The following RHBDF2 variants were observed in gnomAD, a reference collection of about 807,000 sequenced individuals.
The protein encoded by RHBDF2 is rhomboid 5 homolog 2.
In RHBDF2, 38 loss-of-function variants were observed where a neutral mutation model predicts 95.2. The observed-to-expected ratio is 0.40, with a 90% CI of 0.31 to 0.52. The LOEUF (loss-of-function observed/expected upper bound fraction) is 0.52, where lower values mean the gene tolerates loss of function less well. Ranked by LOEUF, RHBDF2 falls within the 20% of genes least tolerant of loss-of-function variation. The pLI, the probability that RHBDF2 is intolerant of heterozygous loss-of-function variation, is 0.56. For synonymous variants in RHBDF2, 442 were observed against 462.0 expected, an observed-to-expected ratio of 0.96 and a Z score of 0.55; for missense variants, 863 against 1,137.7, an observed-to-expected ratio of 0.76 and a Z score of 3.47.
At chr17:76,474,884 G>A in intron 10 of RHBDF2, 80 bp from the exon 11 acceptor site, 26 of 1,567,534 alleles carry the variant, frequency 1.7e-5, no homozygotes, top group Non-Finnish European at 2.2e-5. Flanking sequence ...CTGTCCCCAG[G>A]ATAGAGCCTC....
chr17:76,490,873 T>C (rs1262384918), intron 1 of RHBDF2, among the ~76,000 whole-genome samples: 1 of 152,170 alleles, frequency 6.6e-6, no homozygotes, highest in Non-Finnish European at 1.5e-5. Flanking sequence ...AACCACTTTA[T>C]TGCCTGCTCT....
intron 2 of RHBDF2, among the ~76,000 whole-genome samples, chr17:76,484,326 G>C (rs776621133): frequency 6.6e-6 from 1 of 151,984 alleles, no homozygotes; most frequent in Non-Finnish European, 1.5e-5. Context: ...ACATCCCAAG[G>C]TTCCTGGGCA....
chr17:76,472,903 C>T (rs546961489), intron 17 of RHBDF2, 64 bp from the exon 18 acceptor site: 16 of 1,578,218 alleles, frequency 1.0e-5, no homozygotes, highest in Non-Finnish European at 1.4e-5. Context: ...TAGGCTTCGG[C>T]AGGTTGGGCC....
rs1361208796 is a variant in RHBDF2, at chr17:76,475,112, A to G, written c.1145T>C (p.Val382Ala). 1.3e-6 allele frequency: 2 copies of G among 1,598,910 alleles called. No homozygotes were observed. The change falls in exon 10 of 19, where the codon GTC becomes GCC. Residue 382 changes from valine (V) to alanine (A), a missense_variant. This residue lies in a region of RHBDF2 where 611 missense variants were observed against 725.5 expected (regional missense o/e 0.84). Coordinates refer to ENST00000675367, the MANE Select transcript of RHBDF2 (RefSeq NM_001005498.4). The part of the protein sequence containing the change: ...RPYFTYWLTF[V>A]HVIITLLVIC... ...CACCAGCAGCGTGATGATGACATGG[A>G]CGAAGGTCAGCCAGTAGGTGAAGTA...
intron 1 of RHBDF2, among the ~76,000 whole-genome samples, chr17:76,497,966 G>A (rs553046809): frequency 3.2e-4 from 49 of 152,306 alleles, no homozygotes; most frequent in African/African-American, 1.1e-3. Context: ...GCCGGGCACT[G>A]GGGCTGGAAC....
chr17:76,479,520 G>A (rs2073881264), intron 4 of RHBDF2: 3 of 752,998 alleles, frequency 4.0e-6, no homozygotes. Flanking sequence ...GCTCCTCGAA[G>A]CCCCCCAGCC....
chr17:76,471,978 C>T lies in RHBDF2; in HGVS notation c.2139G>A (p.Leu713=), dbSNP rs142127123. Reference sequence around the variant, plus strand: ...TGAGGAAGGCCTTCCAGGGCCTCTCCAGCAGCGGCCAGCTCTGGAAGAGCT... The same window carrying T: ...TGAGGAAGGCCTTCCAGGGCCTCTCTAGCAGCGGCCAGCTCTGGAAGAGCT... ...FVELFQSWPL[L]ERPWKAFLNL... The change falls in exon 19 of 19, where the codon CTG becomes CTA. Residue 713 remains leucine, a synonymous_variant. Transcript: ENST00000675367. The T allele has an allele frequency of 1.9e-6, 3 of 1,573,120 alleles. No individual in the cohort carries two copies. The highest frequency in any genetic ancestry group is 2.7e-5 in the African/African-American group (2 of 74,272).
intron 3 of RHBDF2, among the ~76,000 whole-genome samples, chr17:76,480,496 T>C (rs1282985412): frequency 6.6e-6 from 1 of 151,924 alleles, no homozygotes; most frequent in Non-Finnish European, 1.5e-5. Context: ...GCAAGCCTTC[T>C]ACCTCAGTGT....
chr17:76,480,535 C>G (rs2073934106), intron 3 of RHBDF2, among the ~76,000 whole-genome samples: 1 of 152,062 alleles, frequency 6.6e-6, no homozygotes, highest in Non-Finnish European at 1.5e-5. Flanking sequence ...CAGGCATGTG[C>G]CACCACACCC....
chr17:76,481,528 G>A lies in RHBDF2; in HGVS notation c.-4C>T, dbSNP rs2073964980. On this transcript the variant is annotated 5_prime_UTR_variant, in exon 3 of 19. Transcript: ENST00000675367. ...CATTCTTGTCAGCAGAGGCCATTGT[G>A]GGCAGGAGGCGGGAGGGCTGGAATG... 1.2e-6 allele frequency: 2 copies of A among 1,607,488 alleles called. No individual in the cohort carries two copies. Among genetic ancestry groups the A allele is most frequent in the Non-Finnish European group, 1.7e-6 (2 of 1,179,248 alleles).
intron 1 of RHBDF2, among the ~76,000 whole-genome samples, chr17:76,493,642 TC>T (rs1249537135): frequency 6.6e-6 from 1 of 151,924 alleles, no homozygotes; most frequent in Non-Finnish European, 1.5e-5. Context: ...CACCCAGCTG[TC>T]TGTCTCCAGG....
intron 1 of RHBDF2, among the ~76,000 whole-genome samples, chr17:76,490,003 G>A (rs143145669): frequency 6.7e-4 from 102 of 152,336 alleles, no homozygotes; most frequent in African/African-American, 2.1e-3. Flanking sequence ...GCATTCCAGC[G>A]CTTTCCAAAC....
chr17:76,472,650 T>G lies in RHBDF2; in HGVS notation c.2064+36A>C, dbSNP rs750999117. 13 of 1,613,204 alleles carry G rather than the reference T, an allele frequency of 8.1e-6. No individual in the cohort carries two copies. The East Asian group carries it at 2.9e-4, about 36-fold the overall frequency. ...AATAGGAGCAGCAGGGCTGGCCCCC[T>G]ATGTGCGGAAGGGGTCCCATCCTCC... On this transcript the variant is annotated intron_variant, in intron 18 of 18. Transcript: ENST00000675367.
At chr17:76,482,859 T>C (rs2074012096) in intron 2 of RHBDF2, among the ~76,000 whole-genome samples, 1 of 150,360 alleles carries the variant, frequency 6.7e-6, no homozygotes, top group African/African-American at 2.5e-5. Flanking sequence ...AAGTGGCATA[T>C]GCTCATTGAA....
chr17:76,483,974 A>G (rs1428565533), intron 2 of RHBDF2, among the ~76,000 whole-genome samples: 1 of 151,952 alleles, frequency 6.6e-6, no homozygotes, highest in Non-Finnish European at 1.5e-5. Flanking sequence ...TAAAACCCCC[A>G]GCTGTGGCCG....
intron 1 of RHBDF2, among the ~76,000 whole-genome samples, chr17:76,496,212 C>T (rs895493660): frequency 4.6e-5 from 7 of 152,322 alleles, no homozygotes; most frequent in East Asian, 1.9e-4. Flanking sequence ...ACACACCCAA[C>T]GCCCAGTTGG....
intron 2 of RHBDF2, among the ~76,000 whole-genome samples, chr17:76,486,237 GTAGCTGGGAC>G (rs901729480): frequency 2.0e-5 from 3 of 152,150 alleles, no homozygotes; most frequent in African/African-American, 7.2e-5. Context: ...AGTCTCCCGA[GTAGCTGGGAC>G]TACAGGCGCA....
Position 76,479,411 on chromosome 17 carries a change from C to T in RHBDF2, c.273-134G>A. ...GGGGGGCGGATCTGCCTGTGAGGCC[C>T]CTGGCTGGAGCCCAGTGACCAGATG... On this transcript the variant is annotated intron_variant, in intron 4 of 18. Coordinates refer to ENST00000675367, the MANE Select transcript of RHBDF2 (RefSeq NM_001005498.4). 3 of 1,298,932 alleles carry T rather than the reference C, an allele frequency of 2.3e-6. No homozygotes were observed. The South Asian group carries it at 3.8e-5, about 17-fold the overall frequency. 80.5% of individuals were successfully genotyped at this position (1,298,932 alleles called of 1,614,324 possible). A position where few individuals can be genotyped will look rare whatever the true frequency, so the allele number is the denominator to read the frequency against.
rs2074255323 is a variant in RHBDF2, at chr17:76,489,943, C to T, written c.-219-2034G>A. On this transcript the variant is annotated intron_variant, in intron 1 of 18. Coordinates refer to ENST00000675367, the MANE Select transcript of RHBDF2 (RefSeq NM_001005498.4). ...GGGACGGGCTCCTCTTGCCCTAAGA[C>T]TGGGGCTAGAAGACCCCCTCTCAGG... 2.0e-5 allele frequency among the ~76,000 whole-genome samples: 3 copies of T among 152,188 alleles called. No individual in the cohort carries two copies. In the South Asian group the frequency reaches 6.2e-4, roughly 31 times the overall value.
Sources: gnomAD v4.1 joint callset for allele counts (sites outside exome capture counted in the v4.1 genomes callset) on GRCh38, gnomAD v4.1.1 for gene constraint, gnomAD v4.1.1 regional missense constraint, MANE v1.5 for transcripts, NCBI Gene and HGNC (gene_info 2026-07-23, HGNC 2026-07-21) for gene names.